PLCL1: variants seen among roughly 807,000 people sequenced by gnomAD.
The protein encoded by PLCL1 is phospholipase C like 1 (inactive).
A neutral mutation model predicts 84.4 loss-of-function variants in PLCL1; 41 were observed. The ratio of observed to expected loss-of-function variants is 0.49; its 90% CI spans 0.38 to 0.63. PLCL1 has a LOEUF of 0.63. PLCL1 is among the 30% of genes least tolerant of loss of function. The pLI is 0.00. For missense variants in PLCL1, 1,206 were observed against 1,367.8 expected (o/e 0.88, Z 1.87); for synonymous variants, 490 against 488.3 (o/e 1.00, Z -0.05).
At chr2:197,981,254 G>C (rs1347109109) in intron 1 of PLCL1, among the ~76,000 whole-genome samples, 1 of 151,990 alleles carries the variant, frequency 6.6e-6, no homozygotes, top group Non-Finnish European at 1.5e-5. Context: ...TGGAGATTGG[G>C]GAATTTTACC....
chr2:198,022,632 C>T lies in PLCL1; in HGVS notation c.241-61126C>T, dbSNP rs186394169. 2.7e-3 allele frequency among the ~76,000 whole-genome samples: 413 copies of T among 152,094 alleles called. 2 individuals carry two copies. The highest frequency in any genetic ancestry group is 4.5e-3 in the Non-Finnish European group (308 of 67,950). ...GACAAACAGAGGGACAAATCATGAGCAAACTCCCATTCACAATTGCTACAA... is the reference window on the plus strand; with the variant it reads ...GACAAACAGAGGGACAAATCATGAGTAAACTCCCATTCACAATTGCTACAA... On this transcript the variant is annotated intron_variant, in intron 1 of 5. Transcript: ENST00000428675.
intron 1 of PLCL1, among the ~76,000 whole-genome samples, chr2:197,886,530 G>T (rs1025369112): frequency 8.1e-5 from 12 of 148,716 alleles, no homozygotes; most frequent in Admixed American, 6.8e-4. Flanking sequence ...TCCCTGGATT[G>T]TCAGTTTATT....
intron 1 of PLCL1, among the ~76,000 whole-genome samples, chr2:198,064,630 G>C (rs773962801): frequency 2.0e-5 from 3 of 151,976 alleles, no homozygotes; most frequent in African/African-American, 7.2e-5. Flanking sequence ...CCCACTAACC[G>C]CACCATTGTT....
intron 1 of PLCL1, among the ~76,000 whole-genome samples, chr2:198,025,781 T>G (rs1691249575): frequency 6.6e-6 from 1 of 152,154 alleles, no homozygotes. Flanking sequence ...TATGTAAACA[T>G]GGAGAACCCA....
chr2:197,992,840 T>G (rs1441491333), intron 1 of PLCL1, among the ~76,000 whole-genome samples: 1 of 152,210 alleles, frequency 6.6e-6, no homozygotes, highest in African/African-American at 2.4e-5. Context: ...ATTCATGTTG[T>G]AGCATGTGTT....
intron 5 of PLCL1, among the ~76,000 whole-genome samples, chr2:198,131,589 C>G (rs1280173007): frequency 6.6e-6 from 1 of 152,182 alleles, no homozygotes; most frequent in African/African-American, 2.4e-5. Flanking sequence ...GGGACATTTC[C>G]AAAGTCACAA....
chr2:198,090,107 C>T (rs7588399), intron 3 of PLCL1, among the ~76,000 whole-genome samples: 40,304 of 151,814 alleles, frequency 0.27, 6,549 homozygotes, highest in African/African-American at 0.46. Context: ...TAGAGAGAAG[C>T]ATAAACATTT....
In PLCL1 at chr2:197,900,744, G is replaced by A. The variant is rs188604801; in HGVS notation, c.240+95405G>A. ...TTATTGTATGTTTACAAAGTGAAAG[G>A]GTTGTCATAAATAATGTTTTTTCAA... is the stretch of plus-strand genomic sequence containing the variant. On this transcript the variant is annotated intron_variant, in intron 1 of 5. Coordinates refer to ENST00000428675, the MANE Select transcript of PLCL1 (RefSeq NM_006226.4). Among the ~76,000 whole-genome samples, 166 of 152,260 alleles carry A rather than the reference G, an allele frequency of 1.1e-3. 5 individuals carry two copies. In the South Asian group the frequency reaches 0.034, roughly 31 times the overall value.
At chr2:198,086,389 G>A (rs1418677239) in intron 2 of PLCL1, among the ~76,000 whole-genome samples, 157 bp downstream of exon 2, 1 of 152,164 alleles carries the variant, frequency 6.6e-6, no homozygotes. Context: ...GGGAGGCTGA[G>A]GCAGGTGGAT....
At chr2:198,105,845 C>G (rs1410434340) in intron 5 of PLCL1, among the ~76,000 whole-genome samples, 1 of 151,712 alleles carries the variant, frequency 6.6e-6, no homozygotes, top group Non-Finnish European at 1.5e-5. Context: ...AAGTCATTTT[C>G]TTGAGATTAT....
intron 1 of PLCL1, among the ~76,000 whole-genome samples, chr2:197,985,002 G>A: frequency 6.6e-6 from 1 of 151,620 alleles, no homozygotes. Context: ...ATGCAGTGGT[G>A]CGATCATTAT....
At chr2:197,982,759 A>T (rs1231691601) in intron 1 of PLCL1, among the ~76,000 whole-genome samples, 1 of 152,204 alleles carries the variant, frequency 6.6e-6, no homozygotes, top group Non-Finnish European at 1.5e-5. Flanking sequence ...TGATCCAAAC[A>T]TGTGAGTTGA....
chr2:197,865,724 C>T (rs991521491), intron 1 of PLCL1, among the ~76,000 whole-genome samples: 1 of 151,722 alleles, frequency 6.6e-6, no homozygotes, highest in African/African-American at 2.4e-5. Context: ...TTAAAAATCA[C>T]AGTTTAAGCT....
At chr2:198,134,286 T>C (rs1694199279) in intron 5 of PLCL1, among the ~76,000 whole-genome samples, 1 of 152,132 alleles carries the variant, frequency 6.6e-6, no homozygotes, top group African/African-American at 2.4e-5. Context: ...AAATGAATGC[T>C]TTGCTGAATC....
chr2:197,854,213 G>C (rs545964642), intron 1 of PLCL1, among the ~76,000 whole-genome samples: 8 of 152,236 alleles, frequency 5.3e-5, no homozygotes, highest in African/African-American at 1.9e-4. Context: ...GAAGAAGGAG[G>C]GTACTCTGAA....
intron 1 of PLCL1, among the ~76,000 whole-genome samples, chr2:197,833,659 T>G (rs1304165124): frequency 6.6e-6 from 1 of 151,954 alleles, no homozygotes; most frequent in Non-Finnish European, 1.5e-5. Flanking sequence ...TACAAGGAAA[T>G]AAGAGAGGAC....
intron 1 of PLCL1, among the ~76,000 whole-genome samples, chr2:197,888,442 G>GGA (rs1456487618): frequency 1.3e-5 from 2 of 152,164 alleles, no homozygotes; most frequent in African/African-American, 2.4e-5. Context: ...AGAACAGCAT[G>GGA]GAGAGAGAGC....
At chr2:197,809,221 T>A (rs1351977863) in intron 1 of PLCL1, among the ~76,000 whole-genome samples, 1 of 152,178 alleles carries the variant, frequency 6.6e-6, no homozygotes, top group African/African-American at 2.4e-5. Context: ...TACGTTTGTA[T>A]CACTTAAACC....
intron 1 of PLCL1, among the ~76,000 whole-genome samples, chr2:198,082,358 C>T (rs572005886): frequency 1.8e-4 from 27 of 152,024 alleles, no homozygotes; most frequent in Admixed American, 5.2e-4. Flanking sequence ...GCAGGAGAAT[C>T]GCTTGAACTC....
Sources: gnomAD v4.1 joint callset for allele counts (sites outside exome capture counted in the v4.1 genomes callset) on GRCh38, gnomAD v4.1.1 for gene constraint, MANE v1.5 for transcripts, NCBI Gene and HGNC (gene_info 2026-07-23, HGNC 2026-07-21) for gene names.